INSYN1: variants seen among roughly 807,000 people sequenced by gnomAD.
INSYN1 encodes the protein UPF0583 protein C15orf59.
Under a neutral mutation model 17.1 loss-of-function variants are expected in INSYN1, and 7 were observed. The ratio of observed to expected loss-of-function variants is 0.41; its 90% CI spans 0.23 to 0.77. The LOEUF (loss-of-function observed/expected upper bound fraction) is 0.77, where lower values mean the gene tolerates loss of function less well. INSYN1 is among the 30% of genes least tolerant of loss of function. The pLI, the probability that INSYN1 is intolerant of heterozygous loss-of-function variation, is 0.32. For missense variants in INSYN1, 339 were observed against 400.6 expected (o/e 0.85, Z 1.31); for synonymous variants, 174 against 166.3 (o/e 1.05, Z -0.36).
chr15:73,740,434 G>A lies in INSYN1; in HGVS notation c.365C>T (p.Ser122Leu), dbSNP rs375165319. 2.7e-4 allele frequency: 435 copies of A among 1,613,612 alleles called. 1 individual carries two copies. The highest frequency in any genetic ancestry group is 2.6e-3 in the South Asian group (238 of 91,064). The change falls in exon 3 of 3, where the codon TCG (serine) becomes TTG (leucine). Residue 122 changes from serine to leucine, a missense_variant. By Grantham distance (145) the Ser-to-Leu change is moderately radical. Coordinates refer to ENST00000569673, the MANE Select transcript of INSYN1 (RefSeq NM_001039614.3). ...FCSFLDVSTP[S>L]DSVDGPESTR... ...CGACTCGGGACCATCCACGGAGTCC[G>A]AGGGGGTAGAGACGTCCAGGAAGGA...
At chr15:73,745,726 G>A (rs1901806921) in intron 2 of INSYN1, among the ~76,000 whole-genome samples, 1 of 152,106 alleles carries the variant, frequency 6.6e-6, no homozygotes, top group Non-Finnish European at 1.5e-5. Flanking sequence ...GGAGAATGGT[G>A]TGAACCCAGG....
At chr15:73,748,183 T>C (rs1220437315) in intron 2 of INSYN1, among the ~76,000 whole-genome samples, 1 of 152,122 alleles carries the variant, frequency 6.6e-6, no homozygotes, top group East Asian at 1.9e-4. Flanking sequence ...CTGAGGGACC[T>C]GGGGAGGAAG....
At chr15:73,749,944 C>A (rs1190374434) in intron 2 of INSYN1, among the ~76,000 whole-genome samples, 3 of 152,198 alleles carry the variant, frequency 2.0e-5, no homozygotes, top group African/African-American at 7.2e-5. Context: ...GGAGTTGGTA[C>A]CTACCATCAC....
intron 2 of INSYN1, among the ~76,000 whole-genome samples, chr15:73,748,881 G>A (rs1416890325): frequency 2.6e-5 from 4 of 152,212 alleles, no homozygotes; most frequent in Non-Finnish European, 5.9e-5. Flanking sequence ...CCCCAGCTGG[G>A]TGCCATTGGC....
intron 2 of INSYN1, among the ~76,000 whole-genome samples, chr15:73,741,558 A>G (rs575261644): frequency 7.8e-4 from 119 of 152,328 alleles, no homozygotes; most frequent in African/African-American, 2.4e-3. Flanking sequence ...TCAGGGAGGA[A>G]GACAGTGAGG....
chr15:73,743,863 GAA>G (rs1279709543), intron 2 of INSYN1, among the ~76,000 whole-genome samples: 1 of 80,784 alleles, frequency 1.2e-5, no homozygotes, highest in African/African-American at 4.3e-5. Flanking sequence ...AAAAAAGAAA[GAA>G]AAAGAAAATT....
chr15:73,740,266 C>T lies in INSYN1; in HGVS notation c.533G>A (p.Arg178Gln), dbSNP rs202072343. The T allele has an allele frequency of 8.6e-5, 139 of 1,613,830 alleles. No individual in the cohort carries two copies. In the East Asian group the frequency reaches 2.0e-3, roughly 23 times the overall value. ...CACCCTCTCCCGTGTCCCTGGGGTCCGCTGGGGCAGCTGGCTCTTCACCGT... is the reference window on the plus strand; with the variant it reads ...CACCCTCTCCCGTGTCCCTGGGGTCTGCTGGGGCAGCTGGCTCTTCACCGT... Reference protein sequence around the residue: ...GPTVKSQLPQRTPGTRERVRF... With the variant: ...GPTVKSQLPQQTPGTRERVRF... The change falls in exon 3 of 3, where the codon CGG (arginine) becomes CAG (glutamine). Residue 178 changes from arginine to glutamine, a missense_variant. Arg to Gln is a conservative substitution (Grantham distance 43). Coordinates refer to ENST00000569673, the MANE Select transcript of INSYN1 (RefSeq NM_001039614.3).
At position 73,751,009 on chromosome 15, in the gene INSYN1, C is replaced by T. The variant is rs750580441; in HGVS notation, c.122G>A (p.Arg41His). The T allele has an allele frequency of 8.7e-6, 14 of 1,614,000 alleles. No individual in the cohort carries two copies. Among genetic ancestry groups the T allele is most frequent in the African/African-American group, 4.0e-5 (3 of 74,924 alleles). ...CTCCTTGGCCACCTCCTTGAGCTCG[C>T]GAAGGATGCCCTCAAGCTGCCCGAT... ...MVIGQLEGIL[R>H]ELKEVAKELR... Residue 41 changes from arginine (R) to histidine (H), a missense_variant, in exon 2 of 3, where the codon CGC becomes CAC. Arg to His is a conservative substitution (Grantham distance 29). Transcript: ENST00000569673.
chr15:73,744,428 T>G (rs527657046), intron 2 of INSYN1, among the ~76,000 whole-genome samples: 14 of 152,212 alleles, frequency 9.2e-5, no homozygotes, highest in Non-Finnish European at 1.8e-4. Context: ...ACCTATTAGG[T>G]GAGACAGGTC....
At chr15:73,750,179 C>T (rs531178393) in intron 2 of INSYN1, among the ~76,000 whole-genome samples, 46 of 152,318 alleles carry the variant, frequency 3.0e-4, no homozygotes, top group African/African-American at 7.2e-4. Context: ...TGGACTCGAA[C>T]GCAGCACAGG....
intron 2 of INSYN1, among the ~76,000 whole-genome samples, chr15:73,748,793 C>T (rs1901903593): frequency 6.6e-6 from 1 of 152,208 alleles, no homozygotes; most frequent in Non-Finnish European, 1.5e-5. Flanking sequence ...ACCTGCCTTC[C>T]TCCACACTCC....
At chr15:73,742,535 A>G (rs2141465681) in intron 2 of INSYN1, among the ~76,000 whole-genome samples, 1 of 152,200 alleles carries the variant, frequency 6.6e-6, no homozygotes, top group South Asian at 2.1e-4. Context: ...TCCTGTGTCT[A>G]CAGATGAGGA....
In INSYN1 at chr15:73,752,773, T is replaced by G. The variant is rs1170986849; in HGVS notation, c.-1231A>C. 6.6e-6 allele frequency: 1 copy of G among 151,498 alleles called. No individual in the cohort carries two copies. The highest frequency in any genetic ancestry group is 1.5e-5 in the Non-Finnish European group (1 of 67,818). The allele number at this position is 151,498 out of a possible 1,614,324, so 9.4% of individuals were successfully genotyped here. Reference sequence around the variant, plus strand: ...AGTTCACGTTCCGAAAGGTCCGGAATCCACCGGGTCCCCGAGGAGGGGCGA... The same window carrying G: ...AGTTCACGTTCCGAAAGGTCCGGAAGCCACCGGGTCCCCGAGGAGGGGCGA... On this transcript the variant is annotated 5_prime_UTR_variant, in exon 1 of 3. Coordinates refer to ENST00000569673, the MANE Select transcript of INSYN1 (RefSeq NM_001039614.3). This position sits in a 1 kb window ranked among gnomAD's most constrained non-coding sequence, Gnocchi z 5.2.
rs1901613249 is a variant in INSYN1, at chr15:73,739,372, G to C, written c.*545C>G. 1 of 152,328 alleles carries C rather than the reference G, an allele frequency of 6.6e-6. No individual in the cohort carries two copies. Among genetic ancestry groups the C allele is most frequent in the South Asian group, 2.1e-4 (1 of 4,832 alleles). 9.4% of individuals were successfully genotyped at this position (152,328 alleles called of 1,614,324 possible). A position where few individuals can be genotyped will look rare whatever the true frequency, so the allele number is the denominator to read the frequency against. ...CAACCCTAAGATGGAAGGGGGTGAG[G>C]CAGGACTGTGTATAGCCGAGTAAGT... is the stretch of plus-strand genomic sequence containing the variant. On this transcript the variant is annotated 3_prime_UTR_variant, in exon 3 of 3. Transcript: ENST00000569673.
Position 73,744,195 on chromosome 15 carries a change from A to G in INSYN1, c.157-3553T>C, listed in dbSNP as rs185133669. Among the ~76,000 whole-genome samples, 50 of 152,328 alleles carry G rather than the reference A, an allele frequency of 3.3e-4. 2 individuals carry two copies. In the East Asian group the frequency reaches 7.1e-3, roughly 22 times the overall value. On this transcript the variant is annotated intron_variant, in intron 2 of 2. Coordinates refer to ENST00000569673, the MANE Select transcript of INSYN1 (RefSeq NM_001039614.3). ...CCGCACCAGGCCTAAGAGCAGTGGG[A>G]ATTAGTTCTGCACCAAAGGAATGAC...
chr15:73,746,042 C>A (rs1399921636), intron 2 of INSYN1, among the ~76,000 whole-genome samples: 1 of 150,504 alleles, frequency 6.6e-6, no homozygotes, highest in Admixed American at 6.6e-5. Flanking sequence ...CCCACCACAC[C>A]CCCCACCCTG....
rs1901550992 is a variant in INSYN1 at position 73,737,184 on chromosome 15, C to G, written c.*2733G>C. The stretch of plus-strand genomic sequence containing the variant: ...CTGTGTCAGAGACCCCTAGCTCTGG[C>G]CCTCAGTTTCTTCCTCTGTGAAATG... On this transcript the variant is annotated 3_prime_UTR_variant, in exon 3 of 3. Transcript: ENST00000569673. 6.6e-6 allele frequency: 1 copy of G among 152,358 alleles called. No individual in the cohort carries two copies. Among genetic ancestry groups the G allele is most frequent in the East Asian group, 1.9e-4 (1 of 5,190 alleles). 9.4% of individuals were successfully genotyped at this position (152,358 alleles called of 1,614,324 possible). A position where few individuals can be genotyped will look rare whatever the true frequency, so the allele number is the denominator to read the frequency against.
Position 73,742,042 on chromosome 15 carries a change from C to T in INSYN1, c.157-1400G>A, listed in dbSNP as rs193220241. Among the ~76,000 whole-genome samples the T allele has an allele frequency of 6.6e-5, 10 of 152,252 alleles. No homozygotes were observed. In the East Asian group the frequency reaches 1.5e-3, roughly 24 times the overall value. On this transcript the variant is annotated intron_variant, in intron 2 of 2. Transcript: ENST00000569673. Reference sequence around the variant, plus strand: ...AGGTCTCAGTTGCCCAGTCTGTAAGCGAAGAGGGTGGGTGAACTAGTTTAT... The same window carrying T: ...AGGTCTCAGTTGCCCAGTCTGTAAGTGAAGAGGGTGGGTGAACTAGTTTAT...
intron 2 of INSYN1, among the ~76,000 whole-genome samples, chr15:73,743,276 G>A (rs986844965): frequency 6.6e-6 from 1 of 152,202 alleles, no homozygotes; most frequent in Non-Finnish European, 1.5e-5. Context: ...CATGGCAGGA[G>A]CCCAAGCCTT....
Sources: allele counts gnomAD v4.1 joint callset (sites outside exome capture counted in the v4.1 genomes callset), GRCh38; gene constraint gnomAD v4.1.1; non-coding constraint Gnocchi (gnomAD v3.1); transcripts MANE v1.5; gene names NCBI Gene and HGNC (gene_info 2026-07-23, HGNC 2026-07-21).